The following SMAD9 variants were observed in gnomAD, a reference collection of about 807,000 sequenced individuals.
SMAD9 encodes MAD homolog 9.
In SMAD9, 36 loss-of-function variants were observed where a neutral mutation model predicts 46.1. The ratio of observed to expected loss-of-function variants is 0.78; its 90% CI spans 0.60 to 1.03. The LOEUF (loss-of-function observed/expected upper bound fraction) is 1.03, where lower values mean the gene tolerates loss of function less well. SMAD9 is among the 50% of genes least tolerant of loss of function. The pLI, the probability that SMAD9 is intolerant of heterozygous loss-of-function variation, is 0.00. For synonymous variants in SMAD9, 245 were observed against 237.1 expected (o/e 1.03, Z -0.31); for missense variants, 572 against 599.8 (o/e 0.95, Z 0.48).
Position 36,879,458 on chromosome 13 carries a change from G to A in SMAD9, c.232C>T (p.Arg78Trp), listed in dbSNP as rs375480745. ...CCCTTGCGGTGGGACACCTGCAGCC[G>A]CCCGTCCAGGGAGCGGGGAATCGTG... Reference protein sequence around the residue: ...CVTIPRSLDGRLQVSHRKGLP... With the variant: ...CVTIPRSLDGWLQVSHRKGLP... Residue 78 changes from arginine (R) to tryptophan (W), a missense_variant, in exon 2 of 7, where the codon CGG becomes TGG. Arg to Trp is a moderately radical substitution (Grantham distance 101, BLOSUM62 -3). Coordinates refer to ENST00000379826, the MANE Select transcript of SMAD9 (RefSeq NM_001127217.3). The A allele has an allele frequency of 5.0e-6, 8 of 1,613,548 alleles. No homozygotes were observed. The highest frequency in any genetic ancestry group is 3.3e-5 in the Admixed American group (2 of 60,010).
intron 2 of SMAD9, among the ~76,000 whole-genome samples, chr13:36,874,467 C>A (rs369016945): frequency 6.6e-6 from 1 of 152,146 alleles, no homozygotes; most frequent in South Asian, 2.1e-4. Context: ...CCGAATTCCA[C>A]AATGGAAACC....
Position 36,846,267 on chromosome 13 carries a change from G to A in SMAD9, c.*2409C>T, listed in dbSNP as rs1593539836. On this transcript the variant is annotated 3_prime_UTR_variant, in exon 7 of 7. Coordinates refer to ENST00000379826, the MANE Select transcript of SMAD9 (RefSeq NM_001127217.3). ...GGAGGCTGAGGCGGGCGGATCACAAGGTCAAGAGATAGAGACCATTCTGGC... is the reference window on the plus strand; with the variant it reads ...GGAGGCTGAGGCGGGCGGATCACAAAGTCAAGAGATAGAGACCATTCTGGC... 6.6e-6 allele frequency: 1 copy of A among 151,950 alleles called. No individual in the cohort carries two copies. Among genetic ancestry groups the A allele is most frequent in the South Asian group, 2.1e-4 (1 of 4,784 alleles). The allele number at this position is 151,950 out of a possible 1,614,324, so 9.4% of individuals were successfully genotyped here. A position where few individuals can be genotyped will look rare whatever the true frequency, so the allele number is the denominator to read the frequency against.
chr13:36,855,396 G>A (rs1007537624), intron 5 of SMAD9, among the ~76,000 whole-genome samples: 1 of 151,886 alleles, frequency 6.6e-6, no homozygotes, highest in African/African-American at 2.4e-5. Flanking sequence ...GCGAGGGACT[G>A]ATGTTAGAAA....
intron 1 of SMAD9, among the ~76,000 whole-genome samples, chr13:36,890,097 G>A (rs2058477921): frequency 6.6e-6 from 1 of 152,128 alleles, no homozygotes; most frequent in African/African-American, 2.4e-5. Context: ...AGCTCTTGCT[G>A]TGTAACTGCT....
rs2058732017 is a variant in SMAD9, at chr13:36,920,104, C to T, written c.-187+12G>A. On this transcript the variant is annotated intron_variant, in intron 1 of 6. Coordinates refer to ENST00000379826, the MANE Select transcript of SMAD9 (RefSeq NM_001127217.3). ...GTCCCCCGGCCGCCCGCTCCGAGCGCCGCGCACTCACTGCCTGGCTGCGCG... is the reference window on the plus strand; with the variant it reads ...GTCCCCCGGCCGCCCGCTCCGAGCGTCGCGCACTCACTGCCTGGCTGCGCG... 6.7e-6 allele frequency: 1 copy of T among 150,204 alleles called. No homozygotes were observed. The highest frequency in any genetic ancestry group is 1.5e-5 in the Non-Finnish European group (1 of 67,086). The allele number at this position is 150,204 out of a possible 1,614,324, so 9.3% of individuals were successfully genotyped here. A position where few individuals can be genotyped will look rare whatever the true frequency, so the allele number is the denominator to read the frequency against.
At chr13:36,885,786 T>C (rs1469616446) in intron 1 of SMAD9, among the ~76,000 whole-genome samples, 1 of 151,996 alleles carries the variant, frequency 6.6e-6, no homozygotes, top group African/African-American at 2.4e-5. Flanking sequence ...ACTGAGTTTT[T>C]CTAAGGCAAC....
At chr13:36,911,646 A>G (rs2058662804) in intron 1 of SMAD9, among the ~76,000 whole-genome samples, 1 of 148,872 alleles carries the variant, frequency 6.7e-6, no homozygotes, top group Non-Finnish European at 1.5e-5. Context: ...GAGTTCATAA[A>G]CTGATAAAGA....
chr13:36,859,786 C>A (rs1426161921), intron 5 of SMAD9, among the ~76,000 whole-genome samples: 1 of 151,928 alleles, frequency 6.6e-6, no homozygotes, highest in Non-Finnish European at 1.5e-5. Flanking sequence ...TGTGGAGAAA[C>A]CCCATCTCTA....
At chr13:36,872,628 A>G (rs1226413756) in intron 3 of SMAD9, 30 bp downstream of exon 3, 1 of 1,612,972 alleles carries the variant, frequency 6.2e-7, no homozygotes, top group Non-Finnish European at 8.5e-7. Context: ...ATTTTCCCGT[A>G]TTTCCCCACA....
chr13:36,893,428 AAATAT>A (rs1209803784), intron 1 of SMAD9, among the ~76,000 whole-genome samples: 1 of 132,624 alleles, frequency 7.5e-6, no homozygotes, highest in Non-Finnish European at 1.5e-5. Context: ...ATATATATAT[AAATAT>A]AAATATAAAT....
intron 1 of SMAD9, among the ~76,000 whole-genome samples, chr13:36,908,384 T>C (rs1163638092): frequency 6.6e-6 from 1 of 152,228 alleles, no homozygotes; most frequent in African/African-American, 2.4e-5. Flanking sequence ...GTGAGCATTC[T>C]GAAAGAAGAC....
intron 6 of SMAD9, 128 bp downstream of exon 6, chr13:36,853,291 T>A (rs1295466777): frequency 6.8e-5 from 57 of 843,250 alleles, no homozygotes; most frequent in South Asian, 4.9e-4. Flanking sequence ...TCTCAAAAAA[T>A]AATAATAATA....
intron 1 of SMAD9, among the ~76,000 whole-genome samples, chr13:36,907,184 A>G (rs2058626441): frequency 6.6e-6 from 1 of 152,238 alleles, no homozygotes; most frequent in Non-Finnish European, 1.5e-5. Flanking sequence ...AATATCTAGA[A>G]TAGGGAAATT....
chr13:36,882,227 CTGTGTG>C (rs61006734), intron 1 of SMAD9, among the ~76,000 whole-genome samples: 5,209 of 149,124 alleles, frequency 0.035, 234 homozygotes, highest in African/African-American at 0.11. Flanking sequence ...CAGGTATGTG[CTGTGTG>C]TGTGTGTGTG....
intron 5 of SMAD9, among the ~76,000 whole-genome samples, chr13:36,863,948 G>T (rs191969166): frequency 3.9e-5 from 6 of 152,256 alleles, no homozygotes; most frequent in Non-Finnish European, 5.9e-5. Flanking sequence ...TTGAAGAAGC[G>T]ACTTGCAGAC....
At chr13:36,855,328 AT>A (rs763538928) in intron 5 of SMAD9, among the ~76,000 whole-genome samples, 8 of 151,920 alleles carry the variant, frequency 5.3e-5, no homozygotes, top group Non-Finnish European at 1.5e-5. Flanking sequence ...TCCAAATTAA[AT>A]TTTAGTTGAT....
At position 36,848,008 on chromosome 13, in the gene SMAD9, CTG is replaced by C. The variant is rs886050165; in HGVS notation, c.*666_*667del. 6 of 152,194 alleles carry C rather than the reference CTG, an allele frequency of 3.9e-5. No individual in the cohort carries two copies. The highest frequency in any genetic ancestry group is 7.3e-5 in the Non-Finnish European group (5 of 68,082). The allele number at this position is 152,194 out of a possible 1,614,324, so 9.4% of individuals were successfully genotyped here. On this transcript the variant is annotated 3_prime_UTR_variant, in exon 7 of 7. Coordinates refer to ENST00000379826, the MANE Select transcript of SMAD9 (RefSeq NM_001127217.3). ...CATATTTATTTTCCCATATTAGACT[CTG>C]TTTTTACAGTGGTAGACTGAGGGAA...
intron 2 of SMAD9, among the ~76,000 whole-genome samples, 178 bp downstream of exon 2, chr13:36,879,100 G>C (rs771843035): frequency 3.3e-5 from 5 of 152,100 alleles, no homozygotes; most frequent in Non-Finnish European, 7.4e-5. Context: ...TTGGACAGCT[G>C]CCTCATTCCG....
chr13:36,848,638 G>C lies in SMAD9; in HGVS notation c.*38C>G. 1 of 1,603,366 alleles carries C rather than the reference G, an allele frequency of 6.2e-7. No individual in the cohort carries two copies. The highest frequency in any genetic ancestry group is 8.5e-7 in the Non-Finnish European group (1 of 1,170,216). Reference sequence around the variant, plus strand: ...ATGATACAAGCCACTCCCTGCAATAGCCTCTATCCTATGGAAATGCAGCTT... The same window carrying C: ...ATGATACAAGCCACTCCCTGCAATACCCTCTATCCTATGGAAATGCAGCTT... On this transcript the variant is annotated 3_prime_UTR_variant, in exon 7 of 7. Transcript: ENST00000379826.
Sources: gnomAD v4.1 joint callset for allele counts (sites outside exome capture counted in the v4.1 genomes callset) on GRCh38, gnomAD v4.1.1 for gene constraint, MANE v1.5 for transcripts, NCBI Gene and HGNC (gene_info 2026-07-23, HGNC 2026-07-21) for gene names.